The following ATXN1 variants were observed in gnomAD, a reference collection of about 807,000 sequenced individuals.
The protein encoded by ATXN1 is ataxin 1.
A neutral mutation model predicts 56.4 loss-of-function variants in ATXN1; 8 were observed. The observed-to-expected ratio is 0.14, with a 90% CI of 0.08 to 0.26. ATXN1 has a LOEUF of 0.26. ATXN1 is among the 10% of genes least tolerant of loss of function. ATXN1 has a pLI of 1.00. For missense variants in ATXN1, 987 were observed against 1,106.5 expected, an observed-to-expected ratio of 0.89 and a Z score of 1.53; for synonymous variants, 514 against 494.6, an observed-to-expected ratio of 1.04 and a Z score of -0.52.
chr6:16,510,442 C>A (rs1187769132), intron 5 of ATXN1, among the ~76,000 whole-genome samples: 1 of 152,178 alleles, frequency 6.6e-6, no homozygotes, highest in African/African-American at 2.4e-5. Context: ...GTGACTAATG[C>A]TTTACCTATA....
intron 2 of ATXN1, among the ~76,000 whole-genome samples, chr6:16,751,460 A>T: frequency 6.6e-6 from 1 of 152,040 alleles, no homozygotes; most frequent in East Asian, 1.9e-4. Flanking sequence ...CTTGTCCCCC[A>T]CTGGGACTTT....
At chr6:16,336,500 T>C (rs1310507098) in intron 6 of ATXN1, among the ~76,000 whole-genome samples, 1 of 152,090 alleles carries the variant, frequency 6.6e-6, no homozygotes, top group Non-Finnish European at 1.5e-5. Flanking sequence ...GACCTCAGGC[T>C]CAGCAGCCAA....
chr6:16,614,645 A>G lies in ATXN1; in HGVS notation c.-488-28738T>C, dbSNP rs13437136. On this transcript the variant is annotated intron_variant, in intron 3 of 7. Transcript: ENST00000436367. ...AAGAGTCAATGATTAAATTCAGGCC[A>G]CATGCGGTGGCTCATGCCTGTAACC... 3.8e-3 allele frequency among the ~76,000 whole-genome samples: 571 copies of G among 151,806 alleles called. 11 individuals are homozygous for G. The highest frequency in any genetic ancestry group is 0.024 in the Middle Eastern group (7 of 292).
chr6:16,539,455 G>C (rs535683802), intron 4 of ATXN1, among the ~76,000 whole-genome samples: 2 of 152,300 alleles, frequency 1.3e-5, no homozygotes, highest in South Asian at 4.1e-4. Flanking sequence ...GGAAGTTATG[G>C]AGAATTGGAA....
At chr6:16,590,576 T>C (rs777118673) in intron 3 of ATXN1, among the ~76,000 whole-genome samples, 21 of 152,198 alleles carry the variant, frequency 1.4e-4, no homozygotes, top group Admixed American at 5.2e-4. Flanking sequence ...TGATAAAAGA[T>C]AAAACCCCAA....
intron 4 of ATXN1, among the ~76,000 whole-genome samples, chr6:16,562,199 C>T (rs1322426175): frequency 6.6e-6 from 1 of 151,594 alleles, no homozygotes; most frequent in African/African-American, 2.4e-5. Flanking sequence ...ACAGCAAAAC[C>T]CTGCCTCTAC....
chr6:16,450,237 A>G (rs1417029436), intron 6 of ATXN1, among the ~76,000 whole-genome samples: 1 of 152,238 alleles, frequency 6.6e-6, no homozygotes, highest in East Asian at 1.9e-4. Context: ...TGTGGGAACT[A>G]TGCTCCCCTA....
chr6:16,456,526 C>T (rs1019626629), intron 6 of ATXN1, among the ~76,000 whole-genome samples: 2 of 152,078 alleles, frequency 1.3e-5, no homozygotes, highest in African/African-American at 4.8e-5. Flanking sequence ...AGCCTAGGGT[C>T]GACAGAGAGG....
At chr6:16,603,868 T>G (rs1271747917) in intron 3 of ATXN1, among the ~76,000 whole-genome samples, 2 of 151,970 alleles carry the variant, frequency 1.3e-5, no homozygotes, top group African/African-American at 2.4e-5. Flanking sequence ...GACGAAGGCA[T>G]TGTGCAGCAC....
chr6:16,453,361 TGAG>T (rs1292690261), intron 6 of ATXN1, among the ~76,000 whole-genome samples: 1 of 152,078 alleles, frequency 6.6e-6, no homozygotes, highest in African/African-American at 2.4e-5. Context: ...CTCAGGAGGC[TGAG>T]GCAGGAGAAT....
chr6:16,554,063 T>C (rs1043693878), intron 4 of ATXN1, among the ~76,000 whole-genome samples: 4 of 152,230 alleles, frequency 2.6e-5, no homozygotes, highest in Non-Finnish European at 4.4e-5. Context: ...AGATATCTTT[T>C]ATGACACAGA....
intron 6 of ATXN1, among the ~76,000 whole-genome samples, chr6:16,372,799 C>T (rs1225718464): frequency 1.3e-5 from 2 of 152,134 alleles, no homozygotes; most frequent in Admixed American, 6.5e-5. Flanking sequence ...GTCTATAGTC[C>T]TTGCTACTAG....
chr6:16,337,347 A>G (rs910766935), intron 6 of ATXN1, among the ~76,000 whole-genome samples: 7 of 152,214 alleles, frequency 4.6e-5, no homozygotes, highest in Non-Finnish European at 1.0e-4. Flanking sequence ...CTCATGGCAC[A>G]TGTCCGTGAG....
chr6:16,664,540 G>A (rs1308553213), intron 2 of ATXN1, among the ~76,000 whole-genome samples: 1 of 152,084 alleles, frequency 6.6e-6, no homozygotes, highest in Non-Finnish European at 1.5e-5. Flanking sequence ...GATAAATTTG[G>A]GAAAGACTTT....
chr6:16,537,744 A>G (rs1019152769), intron 4 of ATXN1, among the ~76,000 whole-genome samples: 5 of 151,884 alleles, frequency 3.3e-5, no homozygotes, highest in Admixed American at 3.3e-4. Flanking sequence ...AAAAAAAAAG[A>G]AATGATGTTC....
chr6:16,690,539 T>C (rs1381527825), intron 2 of ATXN1, among the ~76,000 whole-genome samples: 2 of 152,146 alleles, frequency 1.3e-5, no homozygotes, highest in African/African-American at 4.8e-5. Context: ...CCCAACACAT[T>C]GATGATATGT....
intron 7 of ATXN1, among the ~76,000 whole-genome samples, chr6:16,317,390 T>C (rs1760536457): frequency 6.6e-6 from 1 of 152,062 alleles, no homozygotes; most frequent in Non-Finnish European, 1.5e-5. Flanking sequence ...AGTGGTGCCA[T>C]CTTGATTCAC....
At chr6:16,482,441 G>A (rs768506040) in intron 6 of ATXN1, among the ~76,000 whole-genome samples, 1 of 152,184 alleles carries the variant, frequency 6.6e-6, no homozygotes. Context: ...GAAGGCTAGA[G>A]GACTGAGAGG....
chr6:16,445,737 T>C (rs1476128714), intron 6 of ATXN1, among the ~76,000 whole-genome samples: 22 of 139,134 alleles, frequency 1.6e-4, no homozygotes, highest in African/African-American at 2.4e-4. Flanking sequence ...TGTGTTCTCA[T>C]TGTTCAATTC....
Sources: gnomAD v4.1 joint callset for allele counts (sites outside exome capture counted in the v4.1 genomes callset) on GRCh38, gnomAD v4.1.1 for gene constraint, MANE v1.5 for transcripts, NCBI Gene and HGNC (gene_info 2026-07-23, HGNC 2026-07-21) for gene names.